GPR158: variants seen among roughly 807,000 people sequenced by gnomAD.
GPR158 encodes metabotropic glycine receptor.
A neutral mutation model predicts 78.2 loss-of-function variants in GPR158; 30 were observed. That is an observed-to-expected ratio of 0.38 (90% confidence interval 0.29 to 0.52). The LOEUF is 0.52. GPR158 is among the 20% of genes least tolerant of loss of function. The pLI is 0.83. For synonymous variants in GPR158, 581 were observed against 591.1 expected, an observed-to-expected ratio of 0.98 and a Z score of 0.25; for missense variants, 1,463 against 1,523.5, an observed-to-expected ratio of 0.96 and a Z score of 0.66.
At chr10:25,534,702 C>T (rs1340701142) in intron 5 of GPR158, among the ~76,000 whole-genome samples, 1 of 151,980 alleles carries the variant, frequency 6.6e-6, no homozygotes, top group Non-Finnish European at 1.5e-5. Flanking sequence ...TGCAGCGAGC[C>T]AACATTGTGC....
chr10:25,272,266 A>G (rs144603898), intron 2 of GPR158, among the ~76,000 whole-genome samples: 42 of 152,296 alleles, frequency 2.8e-4, no homozygotes, highest in African/African-American at 1.0e-3. Flanking sequence ...AAAAAATATT[A>G]TTTTTAGGAA....
chr10:25,584,790 T>A (rs1442211311), intron 7 of GPR158, among the ~76,000 whole-genome samples: 1 of 152,212 alleles, frequency 6.6e-6, no homozygotes, highest in Non-Finnish European at 1.5e-5. Context: ...TAAGCCTGTT[T>A]AAGGAAAAAC....
chr10:25,273,983 G>T (rs1446225162), intron 2 of GPR158, among the ~76,000 whole-genome samples: 2 of 152,098 alleles, frequency 1.3e-5, no homozygotes, highest in Non-Finnish European at 2.9e-5. Context: ...TAGCCTCAAA[G>T]AAAATGTTTT....
intron 4 of GPR158, among the ~76,000 whole-genome samples, chr10:25,418,272 C>T (rs1378800022): frequency 6.6e-6 from 1 of 152,138 alleles, no homozygotes; most frequent in Non-Finnish European, 1.5e-5. Context: ...AATATCAACT[C>T]AATAGTAATT....
At chr10:25,523,915 C>T (rs1174935698) in intron 5 of GPR158, among the ~76,000 whole-genome samples, 2 of 152,014 alleles carry the variant, frequency 1.3e-5, no homozygotes, top group South Asian at 2.1e-4. Flanking sequence ...ATGAAACGAT[C>T]TTATAGAGAG....
At chr10:25,274,364 T>C (rs1690000625) in intron 2 of GPR158, among the ~76,000 whole-genome samples, 1 of 152,228 alleles carries the variant, frequency 6.6e-6, no homozygotes, top group Admixed American at 6.5e-5. Flanking sequence ...AGTTAGAATG[T>C]CTTCAAATAG....
At chr10:25,497,403 A>G (rs1835896225) in intron 5 of GPR158, among the ~76,000 whole-genome samples, 1 of 152,202 alleles carries the variant, frequency 6.6e-6, no homozygotes, top group South Asian at 2.1e-4. Flanking sequence ...GTTATGAGAA[A>G]TAAGAACATA....
At chr10:25,412,184 C>G in intron 3 of GPR158, 66 bp from the exon 4 acceptor site, 1 of 1,072,362 alleles carries the variant, frequency 9.3e-7, no homozygotes, top group Non-Finnish European at 1.5e-6. Context: ...TGTCTTTTGA[C>G]TCTATACTCA....
At chr10:25,435,065 T>C (rs147720749) in intron 4 of GPR158, among the ~76,000 whole-genome samples, 80 of 152,310 alleles carry the variant, frequency 5.3e-4, no homozygotes, top group African/African-American at 1.9e-3. Context: ...TGTTGAGCTA[T>C]CTAAGGATGT....
chr10:25,521,732 A>G (rs920293568), intron 5 of GPR158, among the ~76,000 whole-genome samples: 38 of 152,240 alleles, frequency 2.5e-4, no homozygotes, highest in African/African-American at 8.9e-4. Flanking sequence ...TTTGTGTGTC[A>G]TCCTTGCACA....
intron 2 of GPR158, among the ~76,000 whole-genome samples, chr10:25,295,833 A>G (rs1299842406): frequency 1.3e-5 from 2 of 152,140 alleles, no homozygotes; most frequent in Admixed American, 6.5e-5. Context: ...CTGTTTGCCT[A>G]AAATACTTTT....
At chr10:25,568,878 T>C (rs1410471435) in intron 6 of GPR158, among the ~76,000 whole-genome samples, 1 of 152,194 alleles carries the variant, frequency 6.6e-6, no homozygotes, top group Non-Finnish European at 1.5e-5. Context: ...CCTGAAGACT[T>C]ATCTATGAAA....
chr10:25,547,886 C>A (rs1182841904), intron 5 of GPR158, among the ~76,000 whole-genome samples: 1 of 152,118 alleles, frequency 6.6e-6, no homozygotes, highest in Non-Finnish European at 1.5e-5. Context: ...TAGTGTCTAG[C>A]ATATAGTAAG....
At chr10:25,339,020 CTTT>C (rs55774828) in intron 2 of GPR158, among the ~76,000 whole-genome samples, 4 of 137,224 alleles carry the variant, frequency 2.9e-5, no homozygotes, top group Non-Finnish European at 4.7e-5. Context: ...TTCTTTCTTT[CTTT>C]TTTTTTTTTT....
intron 5 of GPR158, among the ~76,000 whole-genome samples, chr10:25,517,514 T>C (rs1836195922): frequency 6.6e-6 from 1 of 152,088 alleles, no homozygotes; most frequent in Non-Finnish European, 1.5e-5. Flanking sequence ...GGGTTTGTCA[T>C]AGACAGCTCT....
At chr10:25,187,210 C>A (rs1852701507) in intron 1 of GPR158, among the ~76,000 whole-genome samples, 1 of 151,898 alleles carries the variant, frequency 6.6e-6, no homozygotes, top group Non-Finnish European at 1.5e-5. Flanking sequence ...CGTGATCCGC[C>A]TGTCTTGGCC....
intron 4 of GPR158, among the ~76,000 whole-genome samples, chr10:25,442,895 A>G (rs1835087364): frequency 2.0e-5 from 3 of 152,128 alleles, no homozygotes; most frequent in Admixed American, 2.0e-4. Flanking sequence ...TTCACCCCAC[A>G]GCCAGAAACA....
chr10:25,565,131 A>T (rs1194207443), intron 6 of GPR158, among the ~76,000 whole-genome samples: 1 of 152,188 alleles, frequency 6.6e-6, no homozygotes, highest in Non-Finnish European at 1.5e-5. Flanking sequence ...ATGCTGTATC[A>T]ACCATAAAAC....
At chr10:25,498,064 A>C in intron 5 of GPR158, among the ~76,000 whole-genome samples, 1 of 152,202 alleles carries the variant, frequency 6.6e-6, no homozygotes, top group East Asian at 1.9e-4. Context: ...AGAAAGAGGA[A>C]GGTTTTGTTT....
Sources: gnomAD v4.1 joint callset for allele counts (sites outside exome capture counted in the v4.1 genomes callset) on GRCh38, gnomAD v4.1.1 for gene constraint, MANE v1.5 for transcripts, NCBI Gene and HGNC (gene_info 2026-07-23, HGNC 2026-07-21) for gene names.